LRP1B: variants seen among roughly 807,000 people sequenced by gnomAD.
LRP1B encodes low-density lipoprotein receptor-related protein 1B.
A neutral mutation model predicts 556.6 loss-of-function variants in LRP1B; 217 were observed. The ratio of observed to expected loss-of-function variants is 0.39; its 90% CI spans 0.35 to 0.44. The LOEUF (loss-of-function observed/expected upper bound fraction) is 0.44, where lower values mean the gene tolerates loss of function less well. LRP1B is among the 20% of genes least tolerant of loss of function. The pLI is 1.00. For synonymous variants in LRP1B, 2,047 were observed against 1,865.8 expected, an observed-to-expected ratio of 1.10 and a Z score of -2.50; for missense variants, 5,053 against 5,620.8, an observed-to-expected ratio of 0.90 and a Z score of 3.23.
At chr2:141,116,858 T>C (rs185105868) in intron 7 of LRP1B, among the ~76,000 whole-genome samples, 1 of 152,178 alleles carries the variant, frequency 6.6e-6, no homozygotes, top group Admixed American at 6.5e-5. Context: ...TACCACACAT[T>C]GATTGTATAT....
intron 83 of LRP1B, among the ~76,000 whole-genome samples, chr2:140,307,319 TC>T (rs1488644988): frequency 2.0e-5 from 3 of 151,946 alleles, no homozygotes; most frequent in Admixed American, 6.6e-5. Context: ...ACATAGCCAG[TC>T]CACAGTAACT....
intron 41 of LRP1B, among the ~76,000 whole-genome samples, chr2:140,635,674 T>C (rs1050628445): frequency 1.3e-5 from 2 of 151,422 alleles, no homozygotes; most frequent in Non-Finnish European, 3.0e-5. Context: ...CTATATACTA[T>C]ATATAACATG....
At chr2:141,720,276 T>C (rs964963822) in intron 2 of LRP1B, among the ~76,000 whole-genome samples, 1 of 152,146 alleles carries the variant, frequency 6.6e-6, no homozygotes, top group African/African-American at 2.4e-5. Flanking sequence ...ATAGTTCTTC[T>C]AGAACTTTGG....
At chr2:140,925,899 G>A (rs1694869933) in intron 20 of LRP1B, among the ~76,000 whole-genome samples, 2 of 152,010 alleles carry the variant, frequency 1.3e-5, no homozygotes, top group African/African-American at 4.8e-5. Context: ...AGGAGAGAGA[G>A]TATACTGTTA....
chr2:141,464,606 A>ATATATATTTTTTT lies in LRP1B; in HGVS notation c.343+15789_343+15790insAAAAAAATATATA. Among the ~76,000 whole-genome samples, 20 of 90,562 alleles carry ATATATATTTTTTT rather than the reference A, an allele frequency of 2.2e-4. 1 individual carries two copies. Among genetic ancestry groups the ATATATATTTTTTT allele is most frequent in the African/African-American group, 8.6e-4 (20 of 23,342 alleles). The allele number at this position is 90,562 out of a possible 152,430, so 59.4% of individuals were successfully genotyped here. On this transcript the variant is annotated intron_variant, in intron 3 of 90. Transcript: ENST00000389484. Reference sequence around the variant, plus strand: ...TTTGTATATATATATATATATATATATTTTTTTAGTAGAGATGGGGTTTCA... The same window carrying ATATATATTTTTTT: ...TTTGTATATATATATATATATATATATATATATTTTTTTTTTTTTTAGTAGAGATGGGGTTTCA...
intron 41 of LRP1B, among the ~76,000 whole-genome samples, chr2:140,683,059 T>C (rs924411976): frequency 5.3e-5 from 8 of 152,204 alleles, no homozygotes; most frequent in Admixed American, 2.6e-4. Flanking sequence ...TTGTCATTAA[T>C]ACCTATTCAG....
At chr2:140,731,762 G>A (rs1030469432) in intron 35 of LRP1B, among the ~76,000 whole-genome samples, 1 of 57,062 alleles carries the variant, frequency 1.8e-5, no homozygotes, top group East Asian at 6.7e-4. Context: ...GTGAGACTCC[G>A]TCAAAAAAAA....
chr2:141,809,795 GA>G (rs1208137094), intron 2 of LRP1B, among the ~76,000 whole-genome samples: 1 of 151,938 alleles, frequency 6.6e-6, no homozygotes, highest in African/African-American at 2.4e-5. Flanking sequence ...GTACTGCCCT[GA>G]GATATTAATA....
chr2:140,592,512 T>C lies in LRP1B; in HGVS notation c.7194+6119A>G, dbSNP rs1175275419. On this transcript the variant is annotated intron_variant, in intron 43 of 90. Coordinates refer to ENST00000389484, the MANE Select transcript of LRP1B (RefSeq NM_018557.3). ...TTTGGTGATAGCAAATGGTTTTGAC[T>C]TGGGTAAGCATTTCAAACCTATGTT... Among the ~76,000 whole-genome samples, 4 of 152,216 alleles carry C rather than the reference T, an allele frequency of 2.6e-5. No individual in the cohort carries two copies. The East Asian group carries it at 7.7e-4, about 29-fold the overall frequency.
intron 12 of LRP1B, among the ~76,000 whole-genome samples, chr2:141,019,166 C>T (rs1406345759): frequency 2.6e-5 from 4 of 151,956 alleles, no homozygotes; most frequent in East Asian, 1.9e-4. Context: ...CAGGTAATAG[C>T]GCTGATTAAA....
rs143272727 is a variant in LRP1B at position 141,693,914 on chromosome 2, G to A, written c.205+116365C>T. Among the ~76,000 whole-genome samples, 564 of 152,044 alleles carry A rather than the reference G, an allele frequency of 3.7e-3. 3 individuals carry two copies. Among genetic ancestry groups the A allele is most frequent in the African/African-American group, 0.013 (542 of 41,486 alleles). ...CAGGTTGTAGATGGAGTCTGGGGAG[G>A]AAATAGAAGCCACATGAATTGAGAA... On this transcript the variant is annotated intron_variant, in intron 2 of 90. Coordinates refer to ENST00000389484, the MANE Select transcript of LRP1B (RefSeq NM_018557.3).
chr2:141,466,990 G>A (rs1682233992), intron 3 of LRP1B, among the ~76,000 whole-genome samples: 1 of 142,076 alleles, frequency 7.0e-6, no homozygotes, highest in Admixed American at 7.2e-5. Flanking sequence ...TGGCTCCCCA[G>A]GAACTATCCT....
At chr2:140,373,292 A>C (rs546232639) in intron 68 of LRP1B, among the ~76,000 whole-genome samples, 155 bp from the exon 69 acceptor site, 32 of 152,326 alleles carry the variant, frequency 2.1e-4, no homozygotes, top group African/African-American at 7.5e-4. Flanking sequence ...AGATGTAATT[A>C]AAATTGCGTT....
intron 2 of LRP1B, among the ~76,000 whole-genome samples, chr2:141,586,952 G>GA (rs71391660): frequency 0.013 from 1,246 of 96,848 alleles, 19 homozygotes; most frequent in East Asian, 0.066. Context: ...AAAAAAAAAA[G>GA]AAAAAAAAAA....
chr2:141,308,120 C>A (rs967842493), intron 3 of LRP1B, among the ~76,000 whole-genome samples: 1 of 152,122 alleles, frequency 6.6e-6, no homozygotes, highest in Non-Finnish European at 1.5e-5. Flanking sequence ...ATGGCATGTT[C>A]AGGCACTGGT....
chr2:141,987,140 A>G (rs1574563999), intron 1 of LRP1B, among the ~76,000 whole-genome samples: 2 of 71,704 alleles, frequency 2.8e-5, no homozygotes, highest in Non-Finnish European at 2.7e-5. Flanking sequence ...ATTAGAGCTG[A>G]AAGATAATAC....
intron 86 of LRP1B, among the ~76,000 whole-genome samples, chr2:140,267,153 C>CA (rs1476035261): frequency 3.3e-5 from 5 of 152,038 alleles, no homozygotes. Flanking sequence ...GTAAGTGGTA[C>CA]AGAGTATTTA....
chr2:140,882,339 T>C (rs1400227031), intron 25 of LRP1B, among the ~76,000 whole-genome samples: 1 of 152,106 alleles, frequency 6.6e-6, no homozygotes, highest in East Asian at 1.9e-4. Context: ...TTATTAAACA[T>C]AGCAGGCTTT....
chr2:140,574,059 T>C (rs1681427411), intron 43 of LRP1B, among the ~76,000 whole-genome samples: 1 of 152,128 alleles, frequency 6.6e-6, no homozygotes, highest in Admixed American at 6.6e-5. Flanking sequence ...TTTTACTTTC[T>C]CTATATGTTA....
Sources: gnomAD v4.1 joint callset for allele counts (sites outside exome capture counted in the v4.1 genomes callset) on GRCh38, gnomAD v4.1.1 for gene constraint, MANE v1.5 for transcripts, NCBI Gene and HGNC (gene_info 2026-07-23, HGNC 2026-07-21) for gene names.